The following CD226 variants were observed in gnomAD, a reference collection of about 807,000 sequenced individuals.
CD226 encodes CD226 antigen.
Under a neutral mutation model 34.9 loss-of-function variants are expected in CD226, and 24 were observed. The observed-to-expected ratio is 0.69, with a 90% CI of 0.50 to 0.97. The LOEUF is 0.97. CD226 is among the 50% of genes least tolerant of loss of function. CD226 has a pLI of 0.00. For missense variants in CD226, 397 were observed against 412.7 expected, an observed-to-expected ratio of 0.96 and a Z score of 0.33; for synonymous variants, 148 against 147.4, an observed-to-expected ratio of 1.00 and a Z score of -0.03.
At chr18:69,905,090 C>G (rs1045315113) in intron 2 of CD226, among the ~76,000 whole-genome samples, 12 of 152,170 alleles carry the variant, frequency 7.9e-5, no homozygotes, top group African/African-American at 2.9e-4. Flanking sequence ...ACAAATAAGT[C>G]ACCCAGCTGT....
At chr18:69,891,515 G>A (rs1598976852) in intron 3 of CD226, among the ~76,000 whole-genome samples, 1 of 152,134 alleles carries the variant, frequency 6.6e-6, no homozygotes, top group Non-Finnish European at 1.5e-5. Flanking sequence ...AAAACAAAAG[G>A]CATTCAAATC....
At chr18:69,911,623 A>T (rs1201318176) in intron 2 of CD226, among the ~76,000 whole-genome samples, 2 of 152,198 alleles carry the variant, frequency 1.3e-5, no homozygotes, top group Non-Finnish European at 2.9e-5. Context: ...AGTTTGGAAT[A>T]ATACCCAATT....
At chr18:69,884,951 G>A (rs1399421673) in intron 3 of CD226, among the ~76,000 whole-genome samples, 1 of 152,210 alleles carries the variant, frequency 6.6e-6, no homozygotes, top group Non-Finnish European at 1.5e-5. Flanking sequence ...CTGATTTAGT[G>A]CTTATTCAAT....
chr18:69,924,692 CAAAAAAAAAA>C (rs56118102), intron 2 of CD226, among the ~76,000 whole-genome samples: 2 of 57,110 alleles, frequency 3.5e-5, no homozygotes, highest in African/African-American at 1.2e-4. Flanking sequence ...AAGGTATTGC[CAAAAAAAAAA>C]AAAAAAAAAA....
In CD226 at chr18:69,861,001, A is replaced by C. The variant is rs368115826; in HGVS notation, c.*3313T>G. The C allele has an allele frequency of 6.6e-6, 1 of 152,076 alleles. No individual in the cohort carries two copies. The highest frequency in any genetic ancestry group is 1.5e-5 in the Non-Finnish European group (1 of 67,942). The allele number at this position is 152,076 out of a possible 1,614,324, so 9.4% of individuals were successfully genotyped here. ...TCTAATTACAATGTGGACTCTCTCAATTTAGAAAACTACTGTTATACAGCT... is the reference window on the plus strand; with the variant it reads ...TCTAATTACAATGTGGACTCTCTCACTTTAGAAAACTACTGTTATACAGCT... On this transcript the variant is annotated 3_prime_UTR_variant, in exon 6 of 6. Coordinates refer to ENST00000582621, the MANE Select transcript of CD226 (RefSeq NM_001303618.2).
At chr18:69,943,752 ATG>A (rs1051145812) in intron 2 of CD226, among the ~76,000 whole-genome samples, 7 of 152,312 alleles carry the variant, frequency 4.6e-5, no homozygotes, top group African/African-American at 7.2e-5. Flanking sequence ...CTGCACTTCA[ATG>A]TCATCATCTG....
chr18:69,870,864 CCTTGGGTCAT>C (rs1470478004), intron 4 of CD226, among the ~76,000 whole-genome samples: 1 of 152,134 alleles, frequency 6.6e-6, no homozygotes, highest in Non-Finnish European at 1.5e-5. Context: ...TTGTTGGAGC[CCTTGGGTCAT>C]CTTTCGAAGC....
intron 3 of CD226, among the ~76,000 whole-genome samples, chr18:69,885,370 T>C (rs1465272606): frequency 6.6e-6 from 1 of 152,212 alleles, no homozygotes; most frequent in African/African-American, 2.4e-5. Flanking sequence ...GAGGGACTAG[T>C]ATTCTGATTA....
upstream of CD226, chr18:69,957,078 T>G (rs2055904272): frequency 6.6e-6 from 1 of 152,226 alleles, no homozygotes; most frequent in Non-Finnish European, 1.5e-5. Flanking sequence ...ACTTTACTAT[T>G]GCAGCTACTC....
chr18:69,937,975 C>T (rs1481481915), intron 2 of CD226, among the ~76,000 whole-genome samples: 4 of 152,122 alleles, frequency 2.6e-5, no homozygotes, highest in Non-Finnish European at 5.9e-5. Context: ...CTGCTGGGAA[C>T]CTGGACAGAG....
At chr18:69,957,048 T>G (rs1460226914), upstream of CD226, 1 of 152,206 alleles carries the variant, frequency 6.6e-6, no homozygotes, top group Admixed American at 6.5e-5. Context: ...TGAAGTCAAG[T>G]TTACCTGCTT....
chr18:69,946,623 A>C, intron 2 of CD226, 111 bp downstream of exon 2: 1 of 724,298 alleles, frequency 1.4e-6, no homozygotes, highest in South Asian at 1.9e-5. Context: ...GGAATTGGAG[A>C]ATGCCACAGA....
chr18:69,923,460 G>A (rs964932588), intron 2 of CD226, among the ~76,000 whole-genome samples: 4 of 152,022 alleles, frequency 2.6e-5, no homozygotes, highest in Admixed American at 6.5e-5. Context: ...ATCAGCTCTG[G>A]CCTTTTTAAA....
At chr18:69,864,653 C>T (rs1983026776) in intron 5 of CD226, among the ~76,000 whole-genome samples, 1 of 152,144 alleles carries the variant, frequency 6.6e-6, no homozygotes, top group Non-Finnish European at 1.5e-5. Context: ...TTAATACTTG[C>T]TGTATTGTGC....
chr18:69,911,227 C>T (rs1599000928), intron 2 of CD226, among the ~76,000 whole-genome samples: 1 of 149,064 alleles, frequency 6.7e-6, no homozygotes, highest in Non-Finnish European at 1.5e-5. Context: ...TCAGAGAAGG[C>T]TTCAGTGGAA....
At chr18:69,939,977 A>C (rs1279001929) in intron 2 of CD226, among the ~76,000 whole-genome samples, 1 of 152,168 alleles carries the variant, frequency 6.6e-6, no homozygotes, top group Non-Finnish European at 1.5e-5. Context: ...TCTCATCTTG[A>C]GTTGTAGTTC....
chr18:69,881,638 C>T (rs576559837), intron 3 of CD226, among the ~76,000 whole-genome samples: 2 of 152,194 alleles, frequency 1.3e-5, no homozygotes, highest in South Asian at 4.1e-4. Flanking sequence ...AGACACATTC[C>T]AAATGAGGGT....
intron 4 of CD226, among the ~76,000 whole-genome samples, chr18:69,872,250 T>A (rs1047997157): frequency 1.3e-5 from 2 of 152,150 alleles, no homozygotes; most frequent in Non-Finnish European, 2.9e-5. Flanking sequence ...TTAGCTGTAA[T>A]ACATTATAAG....
chr18:69,892,474 C>A (rs1176675669), intron 3 of CD226, among the ~76,000 whole-genome samples: 1 of 152,184 alleles, frequency 6.6e-6, no homozygotes, highest in Non-Finnish European at 1.5e-5. Context: ...TCGGTCCAGG[C>A]AAGTTTCAAA....
Sources: gnomAD v4.1 joint callset for allele counts (sites outside exome capture counted in the v4.1 genomes callset) on GRCh38, gnomAD v4.1.1 for gene constraint, MANE v1.5 for transcripts, NCBI Gene and HGNC (gene_info 2026-07-23, HGNC 2026-07-21) for gene names.